The following SDHAF3 variants were observed in gnomAD, a reference collection of about 807,000 sequenced individuals.
SDHAF3 encodes the protein succinate dehydrogenase complex assembly factor 3.
In SDHAF3, 18 loss-of-function variants were observed where a neutral mutation model predicts 11.5. The observed-to-expected ratio is 1.56, with a 90% CI of 1.08 to 2.32. The LOEUF is 2.32. SDHAF3 is among the 30% of genes most tolerant of loss of function. The pLI is 0.00. For synonymous variants in SDHAF3, 72 were observed against 59.3 expected, an observed-to-expected ratio of 1.21 and a Z score of -0.99; for missense variants, 200 against 154.4, an observed-to-expected ratio of 1.30 and a Z score of -1.57.
chr7:97,144,965 C>A (rs138036303), intron 1 of SDHAF3, among the ~76,000 whole-genome samples: 429 of 151,398 alleles, frequency 2.8e-3, no homozygotes, highest in Middle Eastern at 0.017. Context: ...TTTGTGTGAT[C>A]TGTGATTTCT....
At chr7:97,144,327 G>T (rs985246115) in intron 1 of SDHAF3, among the ~76,000 whole-genome samples, 1 of 152,034 alleles carries the variant, frequency 6.6e-6, no homozygotes, top group Non-Finnish European at 1.5e-5. Flanking sequence ...GTTTAATTAG[G>T]TCCCAGCTAT....
At position 97,181,129 on chromosome 7, in the gene SDHAF3, A is replaced by G. The variant is rs1413549387; in HGVS notation, c.292A>G (p.Ile98Val). The change falls in exon 2 of 2, where the codon ATT (isoleucine) becomes GTT (valine). Residue 98 changes from isoleucine to valine, a missense_variant. Ile to Val is a conservative substitution (Grantham distance 29). Coordinates refer to ENST00000432641, the MANE Select transcript of SDHAF3 (RefSeq NM_020186.3). The part of the protein sequence containing the change: ...EKLNDFRDEQ[I>V]GQLQELMQEA... ...ACTTAATGACTTTCGTGATGAACAA[A>G]TTGGACAGTTGCAGGAGCTGATGCA... is the stretch of plus-strand genomic sequence containing the variant. 1.2e-6 allele frequency: 2 copies of G among 1,614,052 alleles called. No homozygotes were observed. Among genetic ancestry groups the G allele is most frequent in the Non-Finnish European group, 8.5e-7 (1 of 1,179,944 alleles).
intron 1 of SDHAF3, among the ~76,000 whole-genome samples, chr7:97,159,895 G>C (rs1411229904): frequency 4.6e-5 from 7 of 152,190 alleles, no homozygotes; most frequent in African/African-American, 1.7e-4. Context: ...TGGAGGGTTA[G>C]ACCATTGGTG....
At chr7:97,160,530 A>G (rs1789392069) in intron 1 of SDHAF3, among the ~76,000 whole-genome samples, 1 of 152,222 alleles carries the variant, frequency 6.6e-6, no homozygotes, top group South Asian at 2.1e-4. Flanking sequence ...AAGTAGACAT[A>G]GGAGACTCCA....
At chr7:97,175,635 GT>G (rs1789668337) in intron 1 of SDHAF3, among the ~76,000 whole-genome samples, 1 of 152,188 alleles carries the variant, frequency 6.6e-6, no homozygotes, top group Non-Finnish European at 1.5e-5. Flanking sequence ...CTATAAGCAA[GT>G]TTAATATACA....
chr7:97,173,119 G>T (rs1184859209), intron 1 of SDHAF3, among the ~76,000 whole-genome samples: 1 of 152,238 alleles, frequency 6.6e-6, no homozygotes, highest in African/African-American at 2.4e-5. Flanking sequence ...CTGACAGGAG[G>T]TAGAGCTCAG....
chr7:97,120,491 TC>T (rs527570762), intron 1 of SDHAF3, among the ~76,000 whole-genome samples: 27 of 151,968 alleles, frequency 1.8e-4, no homozygotes, highest in Admixed American at 1.3e-3. Flanking sequence ...CAAGTCTTTT[TC>T]CCCCCCACCT....
In SDHAF3 at chr7:97,136,875, T is replaced by C. The variant is rs570238466; in HGVS notation, c.174+18978T>C. Among the ~76,000 whole-genome samples, 5 of 152,322 alleles carry C rather than the reference T, an allele frequency of 3.3e-5. No individual in the cohort carries two copies. The South Asian group carries it at 1.0e-3, about 32-fold the overall frequency. On this transcript the variant is annotated intron_variant, in intron 1 of 1. Coordinates refer to ENST00000432641, the MANE Select transcript of SDHAF3 (RefSeq NM_020186.3). ...TAATTCATCTTCTTAGTTTGAATGC[T>C]TGAAATAGCCATAAGCAGTTACCTA...
chr7:97,148,262 C>T (rs1269711576), intron 1 of SDHAF3, among the ~76,000 whole-genome samples: 1 of 152,184 alleles, frequency 6.6e-6, no homozygotes, highest in Non-Finnish European at 1.5e-5. Flanking sequence ...CAGCCGGGCA[C>T]AGTGGCTTGC....
chr7:97,132,670 A>G (rs189482218), intron 1 of SDHAF3, among the ~76,000 whole-genome samples: 1 of 152,316 alleles, frequency 6.6e-6, no homozygotes, highest in African/African-American at 2.4e-5. Context: ...AAGGTGAATG[A>G]AGGCTGTCAG....
At chr7:97,140,098 A>G (rs75445567) in intron 1 of SDHAF3, among the ~76,000 whole-genome samples, 8,869 of 152,108 alleles carry the variant, frequency 0.058, 654 homozygotes, top group East Asian at 0.29. Context: ...GTTCTTTGTC[A>G]TGAATTCTAT....
intron 1 of SDHAF3, among the ~76,000 whole-genome samples, chr7:97,179,012 T>C (rs1157868070): frequency 1.3e-5 from 2 of 152,170 alleles, no homozygotes; most frequent in Admixed American, 1.3e-4. Context: ...TTAATTTTTG[T>C]ATATGGTAGA....
chr7:97,145,708 T>C (rs1657835460), intron 1 of SDHAF3, among the ~76,000 whole-genome samples: 1 of 152,242 alleles, frequency 6.6e-6, no homozygotes, highest in Admixed American at 6.5e-5. Context: ...ATTACCATTT[T>C]GAATCTTGCT....
At chr7:97,147,484 A>T (rs1789153674) in intron 1 of SDHAF3, among the ~76,000 whole-genome samples, 1 of 152,200 alleles carries the variant, frequency 6.6e-6, no homozygotes, top group African/African-American at 2.4e-5. Flanking sequence ...AATCTAGGGA[A>T]CTAGTTTATA....
chr7:97,135,637 C>CGTGTGTGTGTGT (rs56102126), intron 1 of SDHAF3: 16 of 85,402 alleles, frequency 1.9e-4, no homozygotes, highest in African/African-American at 7.9e-4. Context: ...TATGTGCGTG[C>CGTGTGTGTGTGT]GTGTGTGTGT....
In SDHAF3 at chr7:97,179,454, A is replaced by G. The variant is rs113010309; in HGVS notation, c.175-1558A>G. ...AAATTTCAGTGTATTTGACTTTTCT[A>G]TTGAAGTACAATTATTTCCATTTTT... On this transcript the variant is annotated intron_variant, in intron 1 of 1. Transcript: ENST00000432641. Among the ~76,000 whole-genome samples the G allele has an allele frequency of 4.4e-4, 66 of 149,120 alleles. 1 individual carries two copies. Among genetic ancestry groups the G allele is most frequent in the African/African-American group, 1.5e-3 (62 of 40,810 alleles).
chr7:97,121,855 T>TG (rs1791503078), intron 1 of SDHAF3, among the ~76,000 whole-genome samples: 1 of 67,528 alleles, frequency 1.5e-5, no homozygotes, highest in South Asian at 4.5e-4. Context: ...TTTTTTTTTG[T>TG]TTTTTTTTTT....
chr7:97,179,966 G>T (rs1200509270), intron 1 of SDHAF3, among the ~76,000 whole-genome samples: 1 of 152,166 alleles, frequency 6.6e-6, no homozygotes, highest in Non-Finnish European at 1.5e-5. Context: ...GCATTATCCA[G>T]AGTTAGCCAG....
At chr7:97,157,403 A>C (rs991089057) in intron 1 of SDHAF3, among the ~76,000 whole-genome samples, 1 of 152,224 alleles carries the variant, frequency 6.6e-6, no homozygotes, top group African/African-American at 2.4e-5. Context: ...AATGCAAATC[A>C]AAACCACAGT....
Sources: allele counts gnomAD v4.1 joint callset (sites outside exome capture counted in the v4.1 genomes callset), GRCh38; gene constraint gnomAD v4.1.1; transcripts MANE v1.5; gene names NCBI Gene and HGNC (gene_info 2026-07-23, HGNC 2026-07-21).